Variants in PPTC7 observed in about 807,000 individuals in gnomAD.
PPTC7 encodes protein phosphatase PTC7 homolog.
Under a neutral mutation model 30.8 loss-of-function variants are expected in PPTC7, and 6 were observed. The ratio of observed to expected loss-of-function variants is 0.19; its 90% CI spans 0.11 to 0.38. The LOEUF (loss-of-function observed/expected upper bound fraction) is 0.38. PPTC7 is among the 10% of genes least tolerant of loss of function. PPTC7 has a pLI of 1.00. For synonymous variants in PPTC7, 163 were observed against 168.1 expected, an observed-to-expected ratio of 0.97 and a Z score of 0.23; for missense variants, 218 against 404.8, an observed-to-expected ratio of 0.54 and a Z score of 3.96.
Position 110,536,512 on chromosome 12 carries a change from G to GA in PPTC7, c.*524dup, listed in dbSNP as rs1398569094. 1 of 152,214 alleles carries GA rather than the reference G, an allele frequency of 6.6e-6. No individual in the cohort carries two copies. The highest frequency in any genetic ancestry group is 1.5e-5 in the Non-Finnish European group (1 of 68,074). The allele number at this position is 152,214 out of a possible 1,614,324, so 9.4% of individuals were successfully genotyped here. On this transcript the variant is annotated 3_prime_UTR_variant, in exon 6 of 6. Coordinates refer to ENST00000354300, the MANE Select transcript of PPTC7 (RefSeq NM_139283.2). ...TTTTAGAGCAGAATCATAAGCCCCT[G>GA]AAAAATAGGAGTTTATAACAAAGAC...
intron 1 of PPTC7, among the ~76,000 whole-genome samples, chr12:110,552,537 A>G (rs2064356445): frequency 6.6e-6 from 1 of 152,226 alleles, no homozygotes; most frequent in South Asian, 2.1e-4. Flanking sequence ...ACCCGAAATG[A>G]GGGAAGCCCA....
At chr12:110,576,980 A>G (rs1300526797) in intron 1 of PPTC7, among the ~76,000 whole-genome samples, 1 of 152,150 alleles carries the variant, frequency 6.6e-6, no homozygotes, top group South Asian at 2.1e-4. Context: ...TAGCCTGGCC[A>G]ACATGGTGAA....
At position 110,537,031 on chromosome 12, in the gene PPTC7, C is replaced by T; in HGVS notation, c.*6G>A. 1 of 1,609,924 alleles carries T rather than the reference C, an allele frequency of 6.2e-7. No individual in the cohort carries two copies. Among genetic ancestry groups the T allele is most frequent in the Non-Finnish European group, 8.5e-7 (1 of 1,176,482 alleles). ...ATGAAAGGAAAGGCAGGACTTGACACCTCAGCTAGTCTGTATACTCAGCCA... is the reference window on the plus strand; with the variant it reads ...ATGAAAGGAAAGGCAGGACTTGACATCTCAGCTAGTCTGTATACTCAGCCA... On this transcript the variant is annotated 3_prime_UTR_variant, in exon 6 of 6. Transcript: ENST00000354300.
chr12:110,580,586 C>T (rs973482017), intron 1 of PPTC7, among the ~76,000 whole-genome samples: 2 of 152,074 alleles, frequency 1.3e-5, no homozygotes, highest in African/African-American at 4.8e-5. Flanking sequence ...GTGATCCGCC[C>T]ACCTCCGCCT....
intron 3 of PPTC7, among the ~76,000 whole-genome samples, chr12:110,542,248 T>C (rs2064266997): frequency 6.6e-6 from 1 of 151,666 alleles, no homozygotes; most frequent in African/African-American, 2.4e-5. Flanking sequence ...TTCAATATAC[T>C]GTTGAAGAAA....
intron 3 of PPTC7, among the ~76,000 whole-genome samples, chr12:110,544,331 G>A (rs1402838570): frequency 1.3e-5 from 2 of 152,204 alleles, no homozygotes; most frequent in African/African-American, 2.4e-5. Flanking sequence ...ATGGTTTAAT[G>A]AGAGCTATTA....
chr12:110,574,141 T>TAAAAAAAAAAAAAAA (rs58133391), intron 1 of PPTC7, among the ~76,000 whole-genome samples: 8 of 37,442 alleles, frequency 2.1e-4, no homozygotes, highest in Non-Finnish European at 3.3e-4. Flanking sequence ...CCACAATAAT[T>TAAAAAAAAAAAAAAA]AAAAAAAAAA....
intron 2 of PPTC7, chr12:110,546,737 A>T (rs997945061): frequency 1.3e-5 from 2 of 152,702 alleles, no homozygotes; most frequent in East Asian, 3.8e-4. Context: ...TCTTCCCTAG[A>T]CTGAAAGGCT....
At chr12:110,544,522 T>C (rs532172951) in intron 3 of PPTC7, among the ~76,000 whole-genome samples, 1 of 152,278 alleles carries the variant, frequency 6.6e-6, no homozygotes, top group East Asian at 1.9e-4. Flanking sequence ...AAAGATAAAC[T>C]GTAAAAGTCA....
intron 1 of PPTC7, among the ~76,000 whole-genome samples, chr12:110,563,122 C>CAAAAAAAAAAAAAAAAAAA (rs766517371): frequency 1.4e-4 from 6 of 43,116 alleles, no homozygotes; most frequent in Non-Finnish European, 1.7e-4. Context: ...GACTCCATCT[C>CAAAAAAAAAAAAAAAAAAA]AAAAAAAAAA....
rs1238865358 is a variant in PPTC7, at chr12:110,583,004, G to A, written c.28C>T (p.Leu10=). 6.7e-6 allele frequency: 10 copies of A among 1,490,206 alleles called. No homozygotes were observed. Among genetic ancestry groups the A allele is most frequent in the Non-Finnish European group, 8.9e-6 (10 of 1,126,476 alleles). The allele number at this position is 1,490,206 out of a possible 1,614,324, so 92.3% of individuals were successfully genotyped here. A position where few individuals can be genotyped will look rare whatever the true frequency, so the allele number is the denominator to read the frequency against. The change falls in exon 1 of 6, where the codon CTG becomes TTG. Residue 10 remains leucine, a synonymous_variant. Coordinates refer to ENST00000354300, the MANE Select transcript of PPTC7 (RefSeq NM_139283.2). MFSVLSYGR[L]VARAVLGGLS... is the part of the protein sequence containing the mutation. ...CCGCCGAGCACGGCGCGGGCCACCAGCCGCCCGTACGAGAGGACCGAGAAC... is the reference window on the plus strand; with the variant it reads ...CCGCCGAGCACGGCGCGGGCCACCAACCGCCCGTACGAGAGGACCGAGAAC...
In PPTC7 at chr12:110,536,787, G is replaced by A. The variant is rs185435338; in HGVS notation, c.*250C>T. ...AACACCTCCATCCCCATCATGGAAAGAACATCGAGAAATGAAGGCCAATCT... is the reference window on the plus strand; with the variant it reads ...AACACCTCCATCCCCATCATGGAAAAAACATCGAGAAATGAAGGCCAATCT... On this transcript the variant is annotated 3_prime_UTR_variant, in exon 6 of 6. Coordinates refer to ENST00000354300, the MANE Select transcript of PPTC7 (RefSeq NM_139283.2). 1,178 of 469,094 alleles carry A rather than the reference G, an allele frequency of 2.5e-3. 1 individual carries two copies. Among genetic ancestry groups the A allele is most frequent in the Admixed American group, 4.1e-3 (105 of 25,576 alleles). 29.1% of individuals were successfully genotyped at this position (469,094 alleles called of 1,614,324 possible). A position where few individuals can be genotyped will look rare whatever the true frequency, so the allele number is the denominator to read the frequency against.
In PPTC7 at chr12:110,581,077, T is replaced by TA. The variant is rs2064633123; in HGVS notation, c.223+1731dup. ...GCATACAGATTTATGAGGTGAACCT[T>TA]AGAGGCTCATTATCCCCTATCCTAT... On this transcript the variant is annotated intron_variant, in intron 1 of 5. Transcript: ENST00000354300. Among the ~76,000 whole-genome samples the TA allele has an allele frequency of 2.0e-5, 3 of 152,212 alleles. No individual in the cohort carries two copies. The South Asian group carries it at 6.2e-4, about 32-fold the overall frequency.
chr12:110,552,587 G>A (rs960705784), intron 1 of PPTC7, among the ~76,000 whole-genome samples: 10 of 152,228 alleles, frequency 6.6e-5, no homozygotes, highest in Non-Finnish European at 1.0e-4. Context: ...ACAGTGGGCC[G>A]GGCGCGGTGG....
chr12:110,577,129 T>C (rs1455801673), intron 1 of PPTC7, among the ~76,000 whole-genome samples: 1 of 139,252 alleles, frequency 7.2e-6, no homozygotes, highest in Non-Finnish European at 1.5e-5. Flanking sequence ...ATCGCGCCAC[T>C]GCTCTCCAGC....
chr12:110,540,169 C>T (rs1001367062), intron 3 of PPTC7, among the ~76,000 whole-genome samples: 15 of 152,004 alleles, frequency 9.9e-5, no homozygotes, highest in African/African-American at 2.7e-4. Flanking sequence ...CTGAAACTAC[C>T]GAGTAAAACC....
Position 110,551,961 on chromosome 12 carries a change from T to G in PPTC7, c.231A>C (p.Ala77=), listed in dbSNP as rs1256030754. The part of the protein sequence containing the change: ...RHRSADVLGV[A]DGVGGWRDYG... ...AGTCTCTCCAGCCTCCTACACCATC[T>G]GCAACCCCTGAAGAAAAAACAAAAA... The change falls in exon 2 of 6, where the codon GCA becomes GCC. Residue 77 remains alanine, a synonymous_variant. Coordinates refer to ENST00000354300, the MANE Select transcript of PPTC7 (RefSeq NM_139283.2). 1 of 1,598,848 alleles carries G rather than the reference T, an allele frequency of 6.3e-7. No homozygotes were observed. Among genetic ancestry groups the G allele is most frequent in the Non-Finnish European group, 8.5e-7 (1 of 1,171,058 alleles).
At chr12:110,552,295 A>G (rs1181589861) in intron 1 of PPTC7, among the ~76,000 whole-genome samples, 3 of 152,236 alleles carry the variant, frequency 2.0e-5, no homozygotes, top group Non-Finnish European at 4.4e-5. Flanking sequence ...TTTGTCTTTT[A>G]TAAGAATGAA....
intron 1 of PPTC7, among the ~76,000 whole-genome samples, chr12:110,561,174 A>G (rs1338893322): frequency 1.3e-5 from 2 of 152,208 alleles, no homozygotes; most frequent in South Asian, 2.1e-4. Flanking sequence ...CAAAGACTTT[A>G]GTGTTCTCAG....
Sources: gnomAD v4.1 joint callset for allele counts (sites outside exome capture counted in the v4.1 genomes callset) on GRCh38, gnomAD v4.1.1 for gene constraint, MANE v1.5 for transcripts, NCBI Gene and HGNC (gene_info 2026-07-23, HGNC 2026-07-21) for gene names.